The following BMPR1A variants were observed in gnomAD, a reference collection of about 807,000 sequenced individuals.
BMPR1A encodes the protein bone morphogenetic protein receptor type-1A.
A neutral mutation model predicts 66.0 loss-of-function variants in BMPR1A; 7 were observed. The observed-to-expected ratio is 0.11, with a 90% CI of 0.06 to 0.20. BMPR1A has a LOEUF of 0.20. Among genes scored for constraint, BMPR1A ranks in the 10% least tolerant of loss-of-function variants. The pLI is 1.00. For missense variants in BMPR1A, 408 were observed against 669.1 expected, an observed-to-expected ratio of 0.61 and a Z score of 4.31; for synonymous variants, 200 against 229.7, an observed-to-expected ratio of 0.87 and a Z score of 1.17.
intron 1 of BMPR1A, 142 bp from the exon 2 acceptor site, chr10:86,838,723 C>T (rs979737177): frequency 2.0e-5 from 3 of 151,812 alleles, no homozygotes; most frequent in Non-Finnish European, 4.4e-5. Context: ...TGATAGATTT[C>T]GTAAAAACTG....
In BMPR1A at chr10:86,918,237, A is replaced by G. The variant is rs7896878; in HGVS notation, c.868+911A>G. 1.6e-3 allele frequency among the ~76,000 whole-genome samples: 245 copies of G among 152,308 alleles called. 1 individual carries two copies. The highest frequency in any genetic ancestry group is 5.3e-3 in the African/African-American group (220 of 41,566). ...TCATCTTAACTTGATTACATCTGCA[A>G]AGACCCTCTTTCCAAATAAGGTCAC... On this transcript the variant is annotated intron_variant, in intron 9 of 12. Transcript: ENST00000372037.
At chr10:86,865,206 C>A (rs1204614659) in intron 2 of BMPR1A, among the ~76,000 whole-genome samples, 2 of 152,088 alleles carry the variant, frequency 1.3e-5, no homozygotes, top group Non-Finnish European at 2.9e-5. Flanking sequence ...GTGTAAATGG[C>A]CGGTCCATGC....
Position 86,927,879 on chromosome 10 carries a change from G to A in BMPR1A, c.*4160G>A, listed in dbSNP as rs145345450. The stretch of plus-strand genomic sequence containing the variant: ...TTTTGTACAGCATCTGGTTTAAAAG[G>A]TGCCTTAAGAGTTTACCATTACTTG... On this transcript the variant is annotated 3_prime_UTR_variant, in exon 13 of 13. Transcript: ENST00000372037. 8 of 190,728 alleles carry A rather than the reference G, an allele frequency of 4.2e-5. No homozygotes were observed. In the East Asian group the frequency reaches 6.8e-4, roughly 16 times the overall value. The allele number at this position is 190,728 out of a possible 1,614,324, so 11.8% of individuals were successfully genotyped here. A position where few individuals can be genotyped will look rare whatever the true frequency, so the allele number is the denominator to read the frequency against.
intron 2 of BMPR1A, among the ~76,000 whole-genome samples, chr10:86,847,980 G>A (rs1842510102): frequency 6.7e-6 from 1 of 149,346 alleles, no homozygotes; most frequent in Non-Finnish European, 1.5e-5. Context: ...CGCCCAAGTT[G>A]GAGTACAGTG....
chr10:86,883,871 C>CTTTTTTTTTTTTTTTTTT (rs111255462), intron 3 of BMPR1A, among the ~76,000 whole-genome samples: 1 of 135,250 alleles, frequency 7.4e-6, no homozygotes, highest in Non-Finnish European at 1.6e-5. Context: ...GAGCGTATGA[C>CTTTTTTTTTTTTTTTTTT]TTTTTTTTTT....
At chr10:86,871,041 A>G (rs1032673625) in intron 2 of BMPR1A, among the ~76,000 whole-genome samples, 2 of 151,846 alleles carry the variant, frequency 1.3e-5, no homozygotes, top group African/African-American at 2.4e-5. Context: ...TATTCTCAAC[A>G]TTTCAGACAT....
rs55804247 is a variant in BMPR1A at position 86,835,549 on chromosome 10, C to CAAAAAAAAAAAAAAAAAAAAAAAA, written c.-267-3300_-267-3277dup. Among the ~76,000 whole-genome samples, 4 of 44,338 alleles carry CAAAAAAAAAAAAAAAAAAAAAAAA rather than the reference C, an allele frequency of 9.0e-5. 1 individual carries two copies. Among genetic ancestry groups the CAAAAAAAAAAAAAAAAAAAAAAAA allele is most frequent in the African/African-American group, 2.1e-4 (2 of 9,632 alleles). 29.1% of individuals were successfully genotyped at this position (44,338 alleles called of 152,430 possible). ...CTGGGTGACAAGCAAGACTCTGTATCAAAAAAAAAAAAAAAAAAAAAAAAA... is the reference window on the plus strand; with the variant it reads ...CTGGGTGACAAGCAAGACTCTGTATCAAAAAAAAAAAAAAAAAAAAAAAAAAAAAAAAAAAAAAAAAAAAAAAAA... On this transcript the variant is annotated intron_variant, in intron 1 of 12. Coordinates refer to ENST00000372037, the MANE Select transcript of BMPR1A (RefSeq NM_004329.3).
At chr10:86,921,478 T>G in intron 10 of BMPR1A, 42 bp from the exon 11 acceptor site, 2 of 1,610,942 alleles carry the variant, frequency 1.2e-6, no homozygotes, top group Non-Finnish European at 1.7e-6. Flanking sequence ...AACTATTTTA[T>G]TTTTGGCCCT....
chr10:86,924,318 G>A lies in BMPR1A; in HGVS notation c.*599G>A, dbSNP rs1335220886. The stretch of plus-strand genomic sequence containing the variant: ...AGAAAATAATTTATATGCATGCACA[G>A]GAAGATATTGGTGGCCGGTGGTTTT... On this transcript the variant is annotated 3_prime_UTR_variant, in exon 13 of 13. Transcript: ENST00000372037. 4.2e-6 allele frequency: 1 copy of A among 237,104 alleles called. No individual in the cohort carries two copies. Among genetic ancestry groups the A allele is most frequent in the Admixed American group, 5.3e-5 (1 of 18,698 alleles). 14.7% of individuals were successfully genotyped at this position (237,104 alleles called of 1,614,324 possible).
chr10:86,808,165 A>G (rs1461554262), intron 1 of BMPR1A, among the ~76,000 whole-genome samples: 5 of 152,208 alleles, frequency 3.3e-5, no homozygotes, highest in Non-Finnish European at 1.5e-5. Context: ...GAATTGATCC[A>G]TGTCATCTAA....
intron 1 of BMPR1A, among the ~76,000 whole-genome samples, chr10:86,802,919 A>C (rs540388051): frequency 2.7e-5 from 4 of 149,268 alleles, no homozygotes; most frequent in Non-Finnish European, 5.9e-5. Flanking sequence ...AAAAAGACAA[A>C]GATTAGCCAG....
chr10:86,913,219 A>G (rs1453712620), intron 8 of BMPR1A, among the ~76,000 whole-genome samples: 3 of 151,374 alleles, frequency 2.0e-5, no homozygotes, highest in African/African-American at 7.3e-5. Context: ...CCTGCTTCCC[A>G]AGTTCAAGCA....
At chr10:86,931,298 C>CACATATATATATATATATATATATAT, downstream of BMPR1A, 7 of 90,914 alleles carry the variant, frequency 7.7e-5, no homozygotes, top group African/African-American at 4.2e-4. Context: ...CACACACACA[C>CACATATATATATATATATATATATAT]ATATATATAT....
rs762178061 is a variant in BMPR1A, at chr10:86,917,276, G to A, written c.818G>A (p.Arg273Gln). The A allele has an allele frequency of 2.5e-6, 4 of 1,614,064 alleles. No homozygotes were observed. Among genetic ancestry groups the A allele is most frequent in the Admixed American group, 3.3e-5 (2 of 59,992 alleles). The change falls in exon 9 of 13, where the codon CGA becomes CAA. Residue 273 changes from arginine to glutamine, a missense_variant. Physicochemically the swap from Arg to Gln is conservative, Grantham distance 43. Coordinates refer to ENST00000372037, the MANE Select transcript of BMPR1A (RefSeq NM_004329.3). ...FFTTEEASWF[R>Q]ETEIYQTVLM... Reference sequence around the variant, plus strand: ...ACCACTGAAGAAGCCAGCTGGTTTCGAGAAACAGAAATCTACCAAACTGTG... The same window carrying A: ...ACCACTGAAGAAGCCAGCTGGTTTCAAGAAACAGAAATCTACCAAACTGTG...
chr10:86,836,353 G>A (rs1045030883), intron 1 of BMPR1A, among the ~76,000 whole-genome samples: 4 of 152,220 alleles, frequency 2.6e-5, no homozygotes, highest in African/African-American at 7.2e-5. Context: ...TTGCAGAGCT[G>A]TACTGTGGAG....
At chr10:86,760,186 C>CTG (rs200408180) in intron 1 of BMPR1A, among the ~76,000 whole-genome samples, 3,493 of 67,340 alleles carry the variant, frequency 0.052, 256 homozygotes, top group East Asian at 0.12. Flanking sequence ...TCAGATTTAC[C>CTG]TGTTTTTTTT....
At chr10:86,825,433 T>A (rs959271339) in intron 1 of BMPR1A, among the ~76,000 whole-genome samples, 4 of 152,050 alleles carry the variant, frequency 2.6e-5, no homozygotes, top group African/African-American at 7.2e-5. Context: ...TCTTTTGACC[T>A]TTTAAGCAAA....
At position 86,923,428 on chromosome 10, in the gene BMPR1A, G is replaced by C. The variant is rs55845713; in HGVS notation, c.1395G>C (p.Pro465=). The C allele has an allele frequency of 1.8e-4, 293 of 1,614,168 alleles. 1 individual carries two copies. The African/African-American group carries it at 3.3e-3, about 18-fold the overall frequency. Residue 465 remains proline (P), a synonymous_variant, in exon 12 of 13, where the codon CCG becomes CCC. Coordinates refer to ENST00000372037, the MANE Select transcript of BMPR1A (RefSeq NM_004329.3). ...LPYYNMVPSD[P]SYEDMREVVC... ...ATTACAACATGGTACCGAGTGATCC[G>C]TCATACGAAGATATGCGTGAGGTTG...
Position 86,923,879 on chromosome 10 carries a change from T to G in BMPR1A, c.*160T>G. On this transcript the variant is annotated 3_prime_UTR_variant, in exon 13 of 13. Coordinates refer to ENST00000372037, the MANE Select transcript of BMPR1A (RefSeq NM_004329.3). ...ATATTAAACCTTTCAGTACTCTTAT[T>G]AGGATACAAGCTGGGAACTTCTAAA... The G allele has an allele frequency of 1.2e-6, 1 of 813,104 alleles. No individual in the cohort carries two copies. Among genetic ancestry groups the G allele is most frequent in the Non-Finnish European group, 2.0e-6 (1 of 505,772 alleles). The allele number at this position is 813,104 out of a possible 1,614,324, so 50.4% of individuals were successfully genotyped here. A position where few individuals can be genotyped will look rare whatever the true frequency, so the allele number is the denominator to read the frequency against.
Sources: allele counts gnomAD v4.1 joint callset (sites outside exome capture counted in the v4.1 genomes callset), GRCh38; gene constraint gnomAD v4.1.1; transcripts MANE v1.5; gene names NCBI Gene and HGNC (gene_info 2026-07-23, HGNC 2026-07-21).